KAZN: variants seen among roughly 807,000 people sequenced by gnomAD.
KAZN encodes kazrin, periplakin interacting protein.
In KAZN, 40 loss-of-function variants were observed where a neutral mutation model predicts 87.4. The ratio of observed to expected loss-of-function variants is 0.46; its 90% CI spans 0.36 to 0.60. The LOEUF (loss-of-function observed/expected upper bound fraction) is 0.60, where lower values mean the gene tolerates loss of function less well. Among genes scored for constraint, KAZN ranks in the 20% least tolerant of loss-of-function variants. KAZN has a pLI of 0.00. For synonymous variants in KAZN, 466 were observed against 458.3 expected (o/e 1.02, Z -0.22); for missense variants, 898 against 1,073.9 (o/e 0.84, Z 2.29).
intron 1 of KAZN, among the ~76,000 whole-genome samples, chr1:14,815,414 G>A (rs578056576): frequency 1.4e-4 from 21 of 152,224 alleles, no homozygotes; most frequent in Admixed American, 3.3e-4. Flanking sequence ...CCAGTGCAGC[G>A]TCACCTGTGA....
rs909807154 is a variant in KAZN, at chr1:15,099,333, A to G, written c.1548-2210A>G. Among the ~76,000 whole-genome samples, 2 of 152,206 alleles carry G rather than the reference A, an allele frequency of 1.3e-5. No homozygotes were observed. The highest frequency in any genetic ancestry group is 2.9e-5 in the Non-Finnish European group (2 of 68,022). On this transcript the variant is annotated intron_variant, in intron 10 of 14. Transcript: ENST00000376030. This position sits in a 1 kb window ranked among gnomAD's most constrained non-coding sequence, Gnocchi z 5.4. The stretch of plus-strand genomic sequence containing the variant: ...TCTGTCCTGAATGAGCTTATCTGCT[A>G]AGGTGGGGAAGAGAGAAAATAAATT...
chr1:14,407,197 A>G (rs985673310), intron 2 of KAZN, among the ~76,000 whole-genome samples: 2 of 152,178 alleles, frequency 1.3e-5, no homozygotes, highest in Non-Finnish European at 2.9e-5. Context: ...ATTTTCAACA[A>G]TGCTCCTGTG....
intron 2 of KAZN, among the ~76,000 whole-genome samples, chr1:14,237,042 A>G (rs1267175848): frequency 2.6e-5 from 4 of 152,260 alleles, no homozygotes; most frequent in African/African-American, 4.8e-5. Flanking sequence ...CCTGCATTCT[A>G]TATACCAAAA....
At chr1:13,937,252 G>T (rs1640776163) in intron 1 of KAZN, among the ~76,000 whole-genome samples, 1 of 152,128 alleles carries the variant, frequency 6.6e-6, no homozygotes, top group Non-Finnish European at 1.5e-5. Context: ...CACCATGTTA[G>T]TCAGGCTGGT....
intron 8 of KAZN, among the ~76,000 whole-genome samples, chr1:15,075,278 T>C (rs1639686941): frequency 6.6e-6 from 1 of 151,878 alleles, no homozygotes; most frequent in Admixed American, 6.6e-5. Context: ...AAGACTCAAC[T>C]AGGGGGAAAA....
Position 14,598,919 on chromosome 1 carries a change from G to A in KAZN, c.-79G>A, listed in dbSNP as rs1572015713. On this transcript the variant is annotated 5_prime_UTR_variant, in exon 1 of 15. Coordinates refer to ENST00000376030, the MANE Select transcript of KAZN (RefSeq NM_201628.3). The surrounding 1 kb of genome is among the most constrained non-coding windows in gnomAD (Gnocchi z 4.2). ...CGCGGAGGACACAACAGGTAGAGCCGGGGGTGCCCGGCCGCGCGCCCCCCG... is the reference window on the plus strand; with the variant it reads ...CGCGGAGGACACAACAGGTAGAGCCAGGGGTGCCCGGCCGCGCGCCCCCCG... 1 of 1,550,722 alleles carries A rather than the reference G, an allele frequency of 6.4e-7. No homozygotes were observed. The highest frequency in any genetic ancestry group is 8.7e-7 in the Non-Finnish European group (1 of 1,153,628).
chr1:14,515,501 G>A (rs1334113301), intron 2 of KAZN, among the ~76,000 whole-genome samples: 2 of 152,208 alleles, frequency 1.3e-5, no homozygotes, highest in Non-Finnish European at 2.9e-5. Context: ...GGGAAACCCG[G>A]AAGCAGCAGA....
chr1:13,928,937 A>G (rs1640393238), intron 1 of KAZN, among the ~76,000 whole-genome samples: 1 of 151,738 alleles, frequency 6.6e-6, no homozygotes, highest in Admixed American at 6.6e-5. Context: ...ACAAGTTGTG[A>G]ATTAGAGAGA....
intron 1 of KAZN, among the ~76,000 whole-genome samples, chr1:13,998,612 TAAA>T (rs35049867): frequency 1.9e-4 from 25 of 131,376 alleles, no homozygotes; most frequent in Non-Finnish European, 1.7e-5. Flanking sequence ...CCAAGAAAGA[TAAA>T]AAAAAAAAAG....
intron 2 of KAZN, among the ~76,000 whole-genome samples, chr1:14,420,337 G>A (rs1257578510): frequency 6.6e-6 from 1 of 152,072 alleles, no homozygotes; most frequent in Non-Finnish European, 1.5e-5. Flanking sequence ...CTAGACACAG[G>A]GTGCTGATTG....
chr1:14,833,038 ATTTAC>A lies in KAZN; in HGVS notation c.227-127643_227-127639del, dbSNP rs537299295. 7.9e-5 allele frequency among the ~76,000 whole-genome samples: 12 copies of A among 152,350 alleles called. No homozygotes were observed. In the South Asian group the frequency reaches 2.5e-3, roughly 32 times the overall value. ...TTATTTTAAAAATTGATAATGAATA[ATTTAC>A]TTAATCATAAATAAAAGATAAAATT... On this transcript the variant is annotated intron_variant, in intron 1 of 14. Transcript: ENST00000376030.
chr1:15,073,308 G>A (rs976541212), intron 8 of KAZN, among the ~76,000 whole-genome samples: 6 of 152,206 alleles, frequency 3.9e-5, no homozygotes, highest in South Asian at 4.1e-4. Flanking sequence ...GTCTAAGGCC[G>A]AGGCCCTGGG....
At chr1:15,001,218 T>C (rs12044994) in intron 2 of KAZN, among the ~76,000 whole-genome samples, 9,920 of 151,808 alleles carry the variant, frequency 0.065, 384 homozygotes, top group East Asian at 0.16. Context: ...TCCCAGCACT[T>C]TGGGAGGCTG....
intron 2 of KAZN, among the ~76,000 whole-genome samples, chr1:14,374,915 A>G (rs1289855923): frequency 6.6e-6 from 1 of 152,180 alleles, no homozygotes; most frequent in Non-Finnish European, 1.5e-5. Flanking sequence ...GAGCGATCAC[A>G]CAAGTCCTAT....
intron 1 of KAZN, among the ~76,000 whole-genome samples, chr1:14,106,538 A>G (rs1157383547): frequency 6.6e-6 from 1 of 152,060 alleles, no homozygotes; most frequent in Non-Finnish European, 1.5e-5. Flanking sequence ...CTCTTCCCAA[A>G]GGGCTCAGCT....
chr1:14,814,666 G>A (rs1165190410), intron 1 of KAZN, among the ~76,000 whole-genome samples: 1 of 152,150 alleles, frequency 6.6e-6, no homozygotes, highest in Non-Finnish European at 1.5e-5. Context: ...CAGGCACCAT[G>A]TACCCATGGG....
At chr1:14,651,696 T>A (rs138320338) in intron 1 of KAZN, among the ~76,000 whole-genome samples, 1 of 152,132 alleles carries the variant, frequency 6.6e-6, no homozygotes, top group Non-Finnish European at 1.5e-5. Context: ...GGGGCTTTTT[T>A]CCCCCCACGA....
In KAZN at chr1:15,115,313, G is replaced by C. The variant is rs1172884452; in HGVS notation, c.*678G>C. 1 of 152,292 alleles carries C rather than the reference G, an allele frequency of 6.6e-6. No homozygotes were observed. Among genetic ancestry groups the C allele is most frequent in the Non-Finnish European group, 1.5e-5 (1 of 68,084 alleles). The allele number at this position is 152,292 out of a possible 1,614,324, so 9.4% of individuals were successfully genotyped here. A position where few individuals can be genotyped will look rare whatever the true frequency, so the allele number is the denominator to read the frequency against. On this transcript the variant is annotated 3_prime_UTR_variant, in exon 15 of 15. Coordinates refer to ENST00000376030, the MANE Select transcript of KAZN (RefSeq NM_201628.3). The surrounding 1 kb of genome is among the most constrained non-coding windows in gnomAD (Gnocchi z 4.1). Reference sequence around the variant, plus strand: ...CCACCCAGGAGTGGCTACGCTGAGTGGGGAGCCGGTGAATGATCCGTGCAG... The same window carrying C: ...CCACCCAGGAGTGGCTACGCTGAGTCGGGAGCCGGTGAATGATCCGTGCAG...
At chr1:14,194,215 ACAAG>A (rs1468128682) in intron 2 of KAZN, among the ~76,000 whole-genome samples, 1 of 152,124 alleles carries the variant, frequency 6.6e-6, no homozygotes, top group Non-Finnish European at 1.5e-5. Context: ...ATGGGGGCAA[ACAAG>A]CAAGTGGAAT....
Sources: allele counts gnomAD v4.1 joint callset (sites outside exome capture counted in the v4.1 genomes callset), GRCh38; gene constraint gnomAD v4.1.1; non-coding constraint Gnocchi (gnomAD v3.1); transcripts MANE v1.5; gene names NCBI Gene and HGNC (gene_info 2026-07-23, HGNC 2026-07-21).